The following TNRC6C variants were observed in gnomAD, a reference collection of about 807,000 sequenced individuals.
TNRC6C encodes trinucleotide repeat containing adaptor 6C, also known as trinucleotide repeat-containing gene 6C protein.
A neutral mutation model predicts 153.7 loss-of-function variants in TNRC6C; 20 were observed. The ratio of observed to expected loss-of-function variants is 0.13; its 90% CI spans 0.09 to 0.19. The LOEUF is 0.19. Ranked by LOEUF, TNRC6C falls within the 10% of genes least tolerant of loss-of-function variation. TNRC6C has a pLI of 1.00. For synonymous variants in TNRC6C, 811 were observed against 841.4 expected, an observed-to-expected ratio of 0.96 and a Z score of 0.63; for missense variants, 1,987 against 2,172.0, an observed-to-expected ratio of 0.91 and a Z score of 1.69.
intron 1 of TNRC6C, among the ~76,000 whole-genome samples, chr17:78,005,755 CTTCT>C (rs2071485623): frequency 6.6e-6 from 1 of 152,152 alleles, no homozygotes; most frequent in Non-Finnish European, 1.5e-5. Context: ...AGTTACTTCA[CTTCT>C]TTAGGCTTCA....
At chr17:78,056,869 T>TTTTTTTTTTTTTTTTTTTTGA (rs1555638091) in intron 3 of TNRC6C, among the ~76,000 whole-genome samples, 5 of 151,144 alleles carry the variant, frequency 3.3e-5, no homozygotes, top group East Asian at 2.0e-4. Context: ...CTCTTTTATA[T>TTTTTTTTTTTTTTTTTTTTGA]GAAAAATATT....
At chr17:77,971,449 C>A (rs1431297153) in intron 1 of TNRC6C, among the ~76,000 whole-genome samples, 2 of 152,154 alleles carry the variant, frequency 1.3e-5, no homozygotes, top group Admixed American at 6.6e-5. Context: ...CTGAAGACAC[C>A]AACCTAGACT....
chr17:77,989,031 A>T (rs2071212428), intron 1 of TNRC6C, among the ~76,000 whole-genome samples: 1 of 152,240 alleles, frequency 6.6e-6, no homozygotes, highest in East Asian at 1.9e-4. Flanking sequence ...CTACAACTAG[A>T]AGTCATGAGT....
chr17:77,978,088 G>A (rs1466087581), intron 1 of TNRC6C, among the ~76,000 whole-genome samples: 2 of 151,838 alleles, frequency 1.3e-5, no homozygotes, highest in South Asian at 2.1e-4. Flanking sequence ...TAGTAGGCAC[G>A]GGGTTTCACC....
intron 2 of TNRC6C, among the ~76,000 whole-genome samples, chr17:78,037,154 G>A (rs78820836): frequency 0.029 from 4,365 of 152,242 alleles, 210 homozygotes; most frequent in African/African-American, 0.1. Flanking sequence ...ACAAACTAGT[G>A]TACTGGCTTC....
chr17:78,030,590 T>A (rs9889827), intron 1 of TNRC6C, among the ~76,000 whole-genome samples: 1 of 151,984 alleles, frequency 6.6e-6, no homozygotes, highest in Admixed American at 6.5e-5. Flanking sequence ...AGTCAGTTGT[T>A]GACTCAAACG....
chr17:78,048,855 T>C (rs2072461230), exon 3 of TNRC6C: 1 of 1,238,636 alleles, frequency 8.1e-7, no homozygotes, highest in Non-Finnish European at 1.0e-6. Flanking sequence ...ATCTCAGTCA[T>C]AGTGGATTGG....
rs551202615 is a variant in TNRC6C at position 78,024,884 on chromosome 17, T to TC, written c.-545-6630dup. 8.7e-3 allele frequency among the ~76,000 whole-genome samples: 1,311 copies of TC among 151,242 alleles called. 13 individuals are homozygous for TC. The highest frequency in any genetic ancestry group is 0.038 in the South Asian group (179 of 4,768). ...ATCTCAGCTCACTGCAGCCTCTGCC[T>TC]CCAGGTTCAAGCAACTCTCCTGCCT... On this transcript the variant is annotated intron_variant, in intron 1 of 19. Transcript: ENST00000301624.
At chr17:78,038,344 T>C (rs186158957) in intron 2 of TNRC6C, among the ~76,000 whole-genome samples, 2 of 152,244 alleles carry the variant, frequency 1.3e-5, no homozygotes, top group Non-Finnish European at 2.9e-5. Flanking sequence ...GGGAAGATCA[T>C]AGAACTACCA....
intron 3 of TNRC6C, 136 bp downstream of exon 5, chr17:78,051,584 C>T (rs985352339): frequency 9.2e-6 from 9 of 975,986 alleles, no homozygotes; most frequent in South Asian, 3.3e-5. Flanking sequence ...TCCCTATCAC[C>T]GTGCAATATT....
rs143948922 is a variant in TNRC6C, at chr17:78,015,068, A to T, written c.-546+9989A>T. ...CTCTTACATAGTCACATTTGCAAACAATCTTATATTTGAGTAAATTTAAAA... is the reference window on the plus strand; with the variant it reads ...CTCTTACATAGTCACATTTGCAAACTATCTTATATTTGAGTAAATTTAAAA... On this transcript the variant is annotated intron_variant, in intron 1 of 19. Transcript: ENST00000301624. Among the ~76,000 whole-genome samples, 590 of 152,346 alleles carry T rather than the reference A, an allele frequency of 3.9e-3. 5 individuals are homozygous for T. The highest frequency in any genetic ancestry group is 0.014 in the African/African-American group (563 of 41,572).
At chr17:78,057,871 A>T (rs1266109441) in intron 3 of TNRC6C, among the ~76,000 whole-genome samples, 1 of 152,142 alleles carries the variant, frequency 6.6e-6, no homozygotes, top group African/African-American at 2.4e-5. Flanking sequence ...GCTACAGTAC[A>T]ATCATTTTTG....
intron 2 of TNRC6C, among the ~76,000 whole-genome samples, chr17:78,038,605 G>T (rs2072228431): frequency 6.6e-6 from 1 of 151,628 alleles, no homozygotes. Flanking sequence ...CGTGAACCCG[G>T]GAGGCGGAGC....
chr17:78,086,101 G>A (rs1405980459), intron 11 of TNRC6C, among the ~76,000 whole-genome samples: 6 of 151,940 alleles, frequency 3.9e-5, no homozygotes, highest in Non-Finnish European at 7.4e-5. Context: ...GGAGGCTGAG[G>A]CAGGCAGATC....
chr17:78,061,362 T>A (rs2072764313), intron 3 of TNRC6C, among the ~76,000 whole-genome samples: 1 of 152,220 alleles, frequency 6.6e-6, no homozygotes, highest in Non-Finnish European at 1.5e-5. Context: ...TTAAAATCAT[T>A]TTCTGTGTGC....
At chr17:78,094,440 CTTTT>C (rs199858938) in intron 16 of TNRC6C, among the ~76,000 whole-genome samples, 2 of 136,926 alleles carry the variant, frequency 1.5e-5, no homozygotes, top group Non-Finnish European at 1.6e-5. Context: ...TCTTTTGTTT[CTTTT>C]TTTTTTTTTT....
intron 1 of TNRC6C, among the ~76,000 whole-genome samples, chr17:77,966,027 C>T (rs1482939990): frequency 6.6e-6 from 1 of 152,160 alleles, no homozygotes; most frequent in South Asian, 2.1e-4. Context: ...CAAGACTTCA[C>T]TTGAAATGAG....
chr17:78,067,011 A>G (rs576989584), intron 4 of TNRC6C: 1 of 152,344 alleles, frequency 6.6e-6, no homozygotes, highest in East Asian at 1.9e-4. Context: ...CGTGGTTCCT[A>G]TGCAAGGATG....
Position 78,075,129 on chromosome 17 carries a change from G to A in TNRC6C, c.2918-7G>A. ...TTACAACATTGCTTCTGTTTGTTGTGCTCCAGGCGCTCTGCTGGAAAAGAA... is the reference window on the plus strand; with the variant it reads ...TTACAACATTGCTTCTGTTTGTTGTACTCCAGGCGCTCTGCTGGAAAAGAA... On this transcript the variant is annotated splice_region_variant and splice_polypyrimidine_tract_variant and intron_variant, in intron 7 of 19. Transcript: ENST00000301624. This position sits in a 1 kb window ranked among gnomAD's most constrained non-coding sequence, Gnocchi z 4.2. 2 of 1,612,914 alleles carry A rather than the reference G, an allele frequency of 1.2e-6. No homozygotes were observed. The highest frequency in any genetic ancestry group is 1.7e-6 in the Non-Finnish European group (2 of 1,179,430).
Sources: gnomAD v4.1 joint callset for allele counts (sites outside exome capture counted in the v4.1 genomes callset) on GRCh38, gnomAD v4.1.1 for gene constraint, Gnocchi (gnomAD v3.1) non-coding constraint, MANE v1.5 for transcripts, NCBI Gene and HGNC (gene_info 2026-07-23, HGNC 2026-07-21) for gene names.